The following TTLL5 variants were observed in gnomAD, a reference collection of about 807,000 sequenced individuals.
The protein encoded by TTLL5 is tubulin polyglutamylase TTLL5.
Under a neutral mutation model 168.4 loss-of-function variants are expected in TTLL5, and 132 were observed. That is an observed-to-expected ratio of 0.78 (90% CI 0.68 to 0.91). The LOEUF (loss-of-function observed/expected upper bound fraction) is 0.91, where lower values mean the gene tolerates loss of function less well. Among genes scored for constraint, TTLL5 ranks in the 40% least tolerant of loss-of-function variants. TTLL5 has a pLI of 0.00. For synonymous variants in TTLL5, 546 were observed against 558.6 expected (o/e 0.98, Z 0.32); for missense variants, 1,545 against 1,581.5 (o/e 0.98, Z 0.39).
At chr14:75,806,632 C>G (rs1893672021) in intron 27 of TTLL5, among the ~76,000 whole-genome samples, 1 of 151,930 alleles carries the variant, frequency 6.6e-6, no homozygotes, top group South Asian at 2.1e-4. Flanking sequence ...GATGCCACTT[C>G]ACTCATATGC....
chr14:75,871,037 G>A (rs536223312), intron 29 of TTLL5, among the ~76,000 whole-genome samples: 75 of 151,748 alleles, frequency 4.9e-4, no homozygotes, highest in African/African-American at 1.7e-3. Flanking sequence ...CTTGTGATCT[G>A]CCCACCCTCG....
chr14:75,847,377 G>C (rs1242515973), intron 28 of TTLL5, among the ~76,000 whole-genome samples: 3 of 151,924 alleles, frequency 2.0e-5, no homozygotes, highest in Non-Finnish European at 4.4e-5. Flanking sequence ...GTTTGCCATA[G>C]AGGAATATGG....
intron 12 of TTLL5, among the ~76,000 whole-genome samples, chr14:75,728,908 G>A (rs1375063103): frequency 6.6e-6 from 1 of 152,074 alleles, no homozygotes; most frequent in African/African-American, 2.4e-5. Context: ...AGTCAGGGGT[G>A]GTCATCAGTT....
intron 5 of TTLL5, among the ~76,000 whole-genome samples, chr14:75,688,670 A>C (rs1885236767): frequency 1.3e-5 from 2 of 151,856 alleles, no homozygotes; most frequent in African/African-American, 4.8e-5. Context: ...AACTGACACT[A>C]TCTCGAGGTA....
rs1225107550 is a variant in TTLL5 at position 75,700,832 on chromosome 14, T to TTTGCTG, written c.585+1563_585+1568dup. Among the ~76,000 whole-genome samples, 4 of 152,256 alleles carry TTTGCTG rather than the reference T, an allele frequency of 2.6e-5. No homozygotes were observed. In the East Asian group the frequency reaches 7.7e-4, roughly 29 times the overall value. On this transcript the variant is annotated intron_variant, in intron 7 of 31. Coordinates refer to ENST00000298832, the MANE Select transcript of TTLL5 (RefSeq NM_015072.5). ...GTTGCTGCAGACCCACCCATATGGATTTGCTGCTGCCGCTGACAGACTTTG... is the reference window on the plus strand; with the variant it reads ...GTTGCTGCAGACCCACCCATATGGATTTGCTGTTGCTGCTGCCGCTGACAGACTTTG...
intron 26 of TTLL5, 138 bp from the exon 27 acceptor site, chr14:75,792,778 A>G (rs544938226): frequency 1.8e-4 from 116 of 660,420 alleles, no homozygotes; most frequent in Non-Finnish European, 2.5e-4. Flanking sequence ...TCATTTGAAG[A>G]TAGTTTATTT....
At chr14:75,799,731 G>A (rs991291985) in intron 27 of TTLL5, among the ~76,000 whole-genome samples, 12 of 152,218 alleles carry the variant, frequency 7.9e-5, no homozygotes, top group East Asian at 1.9e-4. Context: ...ATGAAGCTTC[G>A]TTTCACTGGA....
At chr14:75,663,950 G>C (rs940300126) in intron 2 of TTLL5, among the ~76,000 whole-genome samples, 10 of 152,064 alleles carry the variant, frequency 6.6e-5, no homozygotes, top group Non-Finnish European at 1.5e-4. Context: ...TGGGCGTGAT[G>C]GTGGGTATCT....
intron 9 of TTLL5, among the ~76,000 whole-genome samples, chr14:75,715,707 C>T (rs1361955909): frequency 6.6e-6 from 1 of 152,094 alleles, no homozygotes; most frequent in African/African-American, 2.4e-5. Context: ...TTCATACACT[C>T]AGTTTAGAAT....
intron 26 of TTLL5, 29 bp downstream of exon 26, chr14:75,783,559 A>G (rs779911151): frequency 1.9e-6 from 3 of 1,600,336 alleles, no homozygotes; most frequent in South Asian, 2.2e-5. Context: ...GACAGTCCAC[A>G]ATGTGAGCTC....
At chr14:75,873,649 CTTTTTTTAGTTTT>C (rs1299385220) in intron 29 of TTLL5, among the ~76,000 whole-genome samples, 1 of 151,268 alleles carries the variant, frequency 6.6e-6, no homozygotes, top group African/African-American at 2.4e-5. Context: ...CATGTTTTCT[CTTTTTTTAGTTTT>C]TTTTTTTTAG....
chr14:75,781,249 T>C (rs778298037), intron 24 of TTLL5, among the ~76,000 whole-genome samples: 1 of 152,164 alleles, frequency 6.6e-6, no homozygotes, highest in Non-Finnish European at 1.5e-5. Flanking sequence ...AAGGACTACC[T>C]TTACATAAGA....
chr14:75,930,952 G>T (rs933027900), intron 31 of TTLL5, among the ~76,000 whole-genome samples: 6 of 152,164 alleles, frequency 3.9e-5, no homozygotes, highest in Non-Finnish European at 7.3e-5. Flanking sequence ...CGCTCTAGCT[G>T]TTCCTTCTTC....
intron 15 of TTLL5, among the ~76,000 whole-genome samples, chr14:75,738,102 A>G (rs1889021364): frequency 6.6e-6 from 1 of 152,230 alleles, no homozygotes; most frequent in Admixed American, 6.5e-5. Flanking sequence ...AAGCTCTGCC[A>G]CAATAGTGTC....
At chr14:75,893,292 C>T (rs953896356) in intron 30 of TTLL5, among the ~76,000 whole-genome samples, 3 of 151,970 alleles carry the variant, frequency 2.0e-5, no homozygotes, top group African/African-American at 7.3e-5. Flanking sequence ...CATTCATGTA[C>T]CAAAATAAAT....
intron 1 of TTLL5, among the ~76,000 whole-genome samples, chr14:75,662,625 C>T (rs1200995913): frequency 6.6e-6 from 1 of 152,112 alleles, no homozygotes; most frequent in African/African-American, 2.4e-5. Context: ...AGGCGTGAGC[C>T]ACCCTGCCCG....
chr14:75,782,435 C>A, intron 24 of TTLL5, 52 bp from the exon 25 acceptor site: 2 of 1,407,386 alleles, frequency 1.4e-6, no homozygotes, highest in Non-Finnish European at 2.0e-6. Flanking sequence ...TATAGAACAG[C>A]GGACTTGCAA....
chr14:75,716,171 C>A (rs1021354521), intron 9 of TTLL5, among the ~76,000 whole-genome samples: 3 of 152,122 alleles, frequency 2.0e-5, no homozygotes, highest in Admixed American at 1.3e-4. Flanking sequence ...GATGCATAGG[C>A]AAGGGTTACT....
chr14:75,711,317 C>A (rs758915511), intron 9 of TTLL5: 1 of 152,116 alleles, frequency 6.6e-6, no homozygotes, highest in South Asian at 2.1e-4. Flanking sequence ...CACCAGGGGA[C>A]ACTCAGTTTC....
Sources: allele counts gnomAD v4.1 joint callset (sites outside exome capture counted in the v4.1 genomes callset), GRCh38; gene constraint gnomAD v4.1.1; transcripts MANE v1.5; gene names NCBI Gene and HGNC (gene_info 2026-07-23, HGNC 2026-07-21).